Variants in CCN5 observed in about 807,000 individuals in gnomAD.
CCN5 encodes the protein cellular communication network factor 5, also known as CCN family member 5.
CCN5 carries 17 observed loss-of-function variants against 18.7 expected under a neutral mutation model. That is an observed-to-expected ratio of 0.91 (90% CI 0.62 to 1.36). CCN5 has a LOEUF of 1.36. Ranked by LOEUF, CCN5 falls within the 40% of genes most tolerant of loss-of-function variation. CCN5 has a pLI of 0.00. For missense variants in CCN5, 367 were observed against 342.9 expected (o/e 1.07, Z -0.56); for synonymous variants, 135 against 145.2 (o/e 0.93, Z 0.50).
chr20:44,720,888 A>AT (rs1356742469), intron 2 of CCN5: 1 of 152,108 alleles, frequency 6.6e-6, no homozygotes, highest in African/African-American at 2.4e-5. Context: ...TGTCCTGTGC[A>AT]TGGTAAGACT....
At position 44,722,082 on chromosome 20, in the gene CCN5, C is replaced by A. The variant is rs2065903792; in HGVS notation, c.277+1969C>A. 2.0e-5 allele frequency among the ~76,000 whole-genome samples: 3 copies of A among 152,224 alleles called. No homozygotes were observed. The South Asian group carries it at 6.2e-4, about 32-fold the overall frequency. ...GGCGTACTTGGGTCCCTGGTCCTTC[C>A]TGCAACTTCCCACCTTGGTCTGTCA... On this transcript the variant is annotated intron_variant, in intron 2 of 3. Coordinates refer to ENST00000190983, the MANE Select transcript of CCN5 (RefSeq NM_003881.4).
intron 1 of CCN5, among the ~76,000 whole-genome samples, chr20:44,719,293 G>A (rs563689806): frequency 2.0e-5 from 3 of 152,180 alleles, no homozygotes; most frequent in African/African-American, 7.2e-5. Context: ...GATACTTTGA[G>A]GAAACTGAGG....
intron 1 of CCN5, among the ~76,000 whole-genome samples, chr20:44,719,287 C>T (rs543598793): frequency 3.9e-5 from 6 of 152,318 alleles, no homozygotes; most frequent in East Asian, 1.9e-4. Context: ...GAGTTAGATA[C>T]TTTGAGGAAA....
Position 44,724,949 on chromosome 20 carries a change from C to G in CCN5, c.489C>G (p.Cys163Trp), listed in dbSNP as rs186778723. ...GCAAGTGCTGCCCTGAGTGGGTGTGCGGCCAAGGAGGGGGACTGGGGACCC... is the reference window on the plus strand; with the variant it reads ...GCAAGTGCTGCCCTGAGTGGGTGTGGGGCCAAGGAGGGGGACTGGGGACCC... The part of the protein sequence containing the change: ...VLGKCCPEWV[C>W]GQGGGLGTQP... Residue 163 changes from cysteine (C) to tryptophan (W), a missense_variant, in exon 3 of 4, where the codon TGC (cysteine) becomes TGG (tryptophan). Coordinates refer to ENST00000190983, the MANE Select transcript of CCN5 (RefSeq NM_003881.4). The G allele has an allele frequency of 4.4e-6, 7 of 1,595,858 alleles. No individual in the cohort carries two copies. Among genetic ancestry groups the G allele is most frequent in the Non-Finnish European group, 5.1e-6 (6 of 1,172,838 alleles).
chr20:44,723,706 G>A (rs1163929952), intron 2 of CCN5: 2 of 152,248 alleles, frequency 1.3e-5, no homozygotes, highest in Non-Finnish European at 2.9e-5. Flanking sequence ...TCTTGGAGAT[G>A]ATGCCCTCAC....
intron 1 of CCN5, among the ~76,000 whole-genome samples, chr20:44,719,420 C>T (rs1284773981): frequency 5.9e-5 from 9 of 152,254 alleles, no homozygotes; most frequent in Non-Finnish European, 7.4e-5. Flanking sequence ...TTTGGGAGGC[C>T]GAGGCGGGCG....
At chr20:44,727,034 T>A in intron 3 of CCN5, 53 bp from the exon 4 acceptor site, 1 of 1,481,454 alleles carries the variant, frequency 6.8e-7, no homozygotes, top group Non-Finnish European at 9.0e-7. Context: ...GTGGGTTGAT[T>A]GAGCTGCTGA....
At chr20:44,724,610 G>T in intron 2 of CCN5, 128 bp from the exon 3 acceptor site, 17 of 1,442,104 alleles carry the variant, frequency 1.2e-5, no homozygotes, top group Non-Finnish European at 1.5e-5. Flanking sequence ...CATATCCTGG[G>T]CTGGAGCCCT....
intron 1 of CCN5, among the ~76,000 whole-genome samples, chr20:44,718,096 C>T (rs1469591902): frequency 6.6e-6 from 1 of 152,124 alleles, no homozygotes; most frequent in East Asian, 1.9e-4. Context: ...ATGGGATCCA[C>T]TCCCTTGTGA....
At chr20:44,723,742 GAGTCCCTCAAGGC>G (rs1490977321) in intron 2 of CCN5, 1 of 152,232 alleles carries the variant, frequency 6.6e-6, no homozygotes, top group African/African-American at 2.4e-5. Flanking sequence ...CCAAGCCCAT[GAGTCCCTCAAGGC>G]AGGAACTGTC....
rs149467110 is a variant in CCN5, at chr20:44,727,131, C to A, written c.577C>A (p.Pro193Thr). The change falls in exon 4 of 4, where the codon CCC (proline) becomes ACC (threonine). Residue 193 changes from proline (P) to threonine (T), a missense_variant. Pro to Thr is a conservative substitution (Grantham distance 38). Coordinates refer to ENST00000190983, the MANE Select transcript of CCN5 (RefSeq NM_003881.4). ...GLVSSLPPGV[P>T]CPEWSTAWGP... ...TGTCTCTTCCCTGCCCCCTGGTGTC[C>A]CCTGCCCAGAATGGAGCACGGCCTG... 6.2e-5 allele frequency: 100 copies of A among 1,610,918 alleles called. No homozygotes were observed. The highest frequency in any genetic ancestry group is 8.1e-5 in the Non-Finnish European group (96 of 1,178,316).
chr20:44,715,312 T>G (rs1162967579), upstream of CCN5: 2 of 1,428,932 alleles, frequency 1.4e-6, no homozygotes, highest in African/African-American at 2.8e-5. Context: ...TGTGTGTGCC[T>G]GGGAGTGACC....
chr20:44,717,352 G>A (rs1277238516), intron 1 of CCN5, among the ~76,000 whole-genome samples: 2 of 152,178 alleles, frequency 1.3e-5, no homozygotes, highest in Non-Finnish European at 2.9e-5. Flanking sequence ...GGGGCCTACA[G>A]AGTCCTGCCC....
intron 1 of CCN5, among the ~76,000 whole-genome samples, chr20:44,717,680 G>C (rs2065868882): frequency 6.6e-6 from 1 of 152,038 alleles, no homozygotes; most frequent in African/African-American, 2.4e-5. Context: ...TTTGAGACCA[G>C]CCTGGCCAGC....
intron 2 of CCN5, chr20:44,724,377 C>T (rs1433018797): frequency 1.0e-5 from 3 of 290,398 alleles, no homozygotes; most frequent in Non-Finnish European, 1.9e-5. Context: ...GTGATCATTA[C>T]GCCTATCATT....
rs539489606 is a variant in CCN5 at position 44,715,695 on chromosome 20, A to G, written c.60+245A>G. On this transcript the variant is annotated intron_variant, in intron 1 of 3. Transcript: ENST00000190983. ...CTGGGCCTCAGCATCTTCCCAGGTG[A>G]AGGGTATACAGTTTGTGAGGCCTCT... Among the ~76,000 whole-genome samples the G allele has an allele frequency of 2.2e-3, 330 of 152,190 alleles. 3 individuals are homozygous for G. Among genetic ancestry groups the G allele is most frequent in the Non-Finnish European group, 3.1e-3 (214 of 68,030 alleles).
At chr20:44,726,330 G>T (rs2065935826) in intron 3 of CCN5, among the ~76,000 whole-genome samples, 3 of 152,052 alleles carry the variant, frequency 2.0e-5, no homozygotes, top group Admixed American at 1.3e-4. Context: ...GTGTCCCTAT[G>T]CACGTATACA....
At chr20:44,721,148 G>T (rs907533932) in intron 2 of CCN5, 1 of 151,788 alleles carries the variant, frequency 6.6e-6, no homozygotes, top group Non-Finnish European at 1.5e-5. Context: ...AAATAAGAAC[G>T]AAAGAGAGAG....
At chr20:44,723,465 C>A (rs193104330) in intron 2 of CCN5, among the ~76,000 whole-genome samples, 4 of 152,162 alleles carry the variant, frequency 2.6e-5, no homozygotes, top group Non-Finnish European at 5.9e-5. Context: ...CCAGGCCCCA[C>A]AAGTGGGAGC....
Sources: allele counts gnomAD v4.1 joint callset (sites outside exome capture counted in the v4.1 genomes callset), GRCh38; gene constraint gnomAD v4.1.1; transcripts MANE v1.5; gene names NCBI Gene and HGNC (gene_info 2026-07-23, HGNC 2026-07-21).